The following SLC12A2 variants were observed in gnomAD, a reference collection of about 807,000 sequenced individuals.
SLC12A2 encodes solute carrier family 12 member 2.
A neutral mutation model predicts 136.3 loss-of-function variants in SLC12A2; 67 were observed. The ratio of observed to expected loss-of-function variants is 0.49; its 90% CI spans 0.40 to 0.60. SLC12A2 has a LOEUF of 0.60. Ranked by LOEUF, SLC12A2 falls within the 20% of genes least tolerant of loss-of-function variation. SLC12A2 has a pLI of 0.00. For synonymous variants in SLC12A2, 619 were observed against 562.9 expected (o/e 1.10, Z -1.41); for missense variants, 1,322 against 1,534.7 (o/e 0.86, Z 2.32).
intron 1 of SLC12A2, among the ~76,000 whole-genome samples, chr5:128,106,946 G>A (rs559595020): frequency 2.8e-4 from 43 of 151,978 alleles, no homozygotes; most frequent in African/African-American, 9.9e-4. Flanking sequence ...GTATATTATA[G>A]ACATTATATT....
intron 4 of SLC12A2, among the ~76,000 whole-genome samples, chr5:128,128,313 G>A (rs558725503): frequency 6.6e-6 from 1 of 152,146 alleles, no homozygotes; most frequent in South Asian, 2.1e-4. Context: ...CCCAAATCAA[G>A]ATGTAATAAA....
chr5:128,096,330 A>T (rs768402570), intron 1 of SLC12A2, among the ~76,000 whole-genome samples: 1 of 152,120 alleles, frequency 6.6e-6, no homozygotes, highest in Non-Finnish European at 1.5e-5. Context: ...CAGACATACA[A>T]GTACTAAGTG....
chr5:128,116,872 C>G (rs1199832310), intron 4 of SLC12A2, among the ~76,000 whole-genome samples: 1 of 151,994 alleles, frequency 6.6e-6, no homozygotes, highest in Non-Finnish European at 1.5e-5. Flanking sequence ...CTGTATCTGA[C>G]TCAGATTTGG....
chr5:128,102,596 CTTTTTTTTTT>C (rs70997362), intron 1 of SLC12A2, among the ~76,000 whole-genome samples: 18 of 40,454 alleles, frequency 4.4e-4, no homozygotes, highest in African/African-American at 1.3e-3. Context: ...CCCCCCCCGC[CTTTTTTTTTT>C]TTTTTTTTTT....
chr5:128,186,064 A>T (rs913741043), intron 26 of SLC12A2, among the ~76,000 whole-genome samples: 4 of 151,254 alleles, frequency 2.6e-5, no homozygotes, highest in African/African-American at 9.8e-5. Context: ...TCTTAAAAAA[A>T]TATATATATA....
Position 128,102,587 on chromosome 5 carries a change from C to A in SLC12A2, c.757-10227C>A, listed in dbSNP as rs1219827031. Among the ~76,000 whole-genome samples the A allele has an allele frequency of 1.5e-4, 21 of 139,420 alleles. 1 individual carries two copies. The highest frequency in any genetic ancestry group is 2.5e-4 in the Non-Finnish European group (16 of 64,758). 91.5% of individuals were successfully genotyped at this position (139,420 alleles called of 152,430 possible). A position where few individuals can be genotyped will look rare whatever the true frequency, so the allele number is the denominator to read the frequency against. ...ACTGTGTCTTTCTGTAATTCACCCC[C>A]CCCCCCGCCTTTTTTTTTTTTTTTT... On this transcript the variant is annotated intron_variant, in intron 1 of 26. Coordinates refer to ENST00000262461, the MANE Select transcript of SLC12A2 (RefSeq NM_001046.3).
At chr5:128,184,584 G>A in intron 25 of SLC12A2, 83 bp downstream of exon 25, 1 of 1,321,230 alleles carries the variant, frequency 7.6e-7, no homozygotes, top group African/African-American at 1.5e-5. Flanking sequence ...ATATAGGAGG[G>A]TCAGTTGTAT....
intron 1 of SLC12A2, among the ~76,000 whole-genome samples, chr5:128,090,425 A>G (rs1214244795): frequency 6.6e-6 from 1 of 152,142 alleles, no homozygotes; most frequent in African/African-American, 2.4e-5. Flanking sequence ...TATATGTTAC[A>G]TATATATATT....
rs139820355 is a variant in SLC12A2 at position 128,112,921 on chromosome 5, C to T, written c.864C>T (p.Ile288=). 277 of 1,611,256 alleles carry T rather than the reference C, an allele frequency of 1.7e-4. No homozygotes were observed. The highest frequency in any genetic ancestry group is 2.3e-4 in the Non-Finnish European group (271 of 1,178,708). Residue 288 remains isoleucine, a synonymous_variant, in exon 2 of 27, where the codon ATC becomes ATT. Coordinates refer to ENST00000262461, the MANE Select transcript of SLC12A2 (RefSeq NM_001046.3). ...ESKGVVKFGW[I]KGVLVRCMLN... ...AAGGAGTCGTGAAGTTTGGCTGGAT[C>T]AAGGGTGTATTAGTATGTATATATA...
intron 10 of SLC12A2, among the ~76,000 whole-genome samples, chr5:128,145,887 T>G (rs1342280237): frequency 1.3e-5 from 2 of 152,044 alleles, no homozygotes; most frequent in Non-Finnish European, 2.9e-5. Flanking sequence ...AAATGAAAGA[T>G]AAAATCTCCA....
intron 4 of SLC12A2, among the ~76,000 whole-genome samples, chr5:128,116,795 G>A (rs1216979846): frequency 2.6e-5 from 4 of 152,158 alleles, no homozygotes; most frequent in African/African-American, 9.7e-5. Flanking sequence ...ATATGTATGA[G>A]CTGCATCATC....
At chr5:128,095,596 T>C (rs1047292329) in intron 1 of SLC12A2, among the ~76,000 whole-genome samples, 3 of 152,164 alleles carry the variant, frequency 2.0e-5, no homozygotes, top group African/African-American at 7.2e-5. Context: ...CCTTACAACC[T>C]GCGGGCCACA....
At chr5:128,178,328 A>C (rs1763596592) in intron 21 of SLC12A2, 2 of 261,944 alleles carry the variant, frequency 7.6e-6, no homozygotes, top group Non-Finnish European at 1.4e-5. Flanking sequence ...AATATTAGTA[A>C]GTAGGCAGAT....
intron 17 of SLC12A2, among the ~76,000 whole-genome samples, chr5:128,164,764 T>G (rs1238598732): frequency 1.3e-5 from 2 of 152,120 alleles, no homozygotes; most frequent in Admixed American, 1.3e-4. Flanking sequence ...CCCTCATCTT[T>G]CTAGTTACTA....
intron 1 of SLC12A2, chr5:128,109,621 C>A: frequency 1.3e-6 from 1 of 767,114 alleles, no homozygotes; most frequent in Non-Finnish European, 2.4e-6. Context: ...TCCTTCCTAC[C>A]CAGTATTTCT....
In SLC12A2 at chr5:128,084,524, C is replaced by T. The variant is rs1398668396; in HGVS notation, c.570C>T (p.Gly190=). 1.9e-6 allele frequency: 3 copies of T among 1,613,462 alleles called. No homozygotes were observed. The highest frequency in any genetic ancestry group is 2.2e-5 in the East Asian group (1 of 44,882). The change falls in exon 1 of 27, where the codon GGC becomes GGT. Residue 190 remains glycine (G), a synonymous_variant. Transcript: ENST00000262461. This position sits in a 1 kb window ranked among gnomAD's most constrained non-coding sequence, Gnocchi z 5.6. ...SEGSSLHSGG[G]GGSGHHQHYY... Reference sequence around the variant, plus strand: ...GCAGCAGCCTGCACTCCGGCGGCGGCGGCGGCAGTGGGCACCACCAGCACT... The same window carrying T: ...GCAGCAGCCTGCACTCCGGCGGCGGTGGCGGCAGTGGGCACCACCAGCACT...
chr5:128,170,563 T>G (rs1307013485), intron 18 of SLC12A2: 4 of 152,222 alleles, frequency 2.6e-5, no homozygotes, highest in African/African-American at 9.7e-5. Context: ...GTTTTTAATA[T>G]GTCTACATTG....
At position 128,112,710 on chromosome 5, in the gene SLC12A2, A is replaced by G. The variant is rs1042863800; in HGVS notation, c.757-104A>G. 4 of 807,168 alleles carry G rather than the reference A, an allele frequency of 5.0e-6. No homozygotes were observed. In the African/African-American group the frequency reaches 5.2e-5, roughly 11 times the overall value. 50.0% of individuals were successfully genotyped at this position (807,168 alleles called of 1,614,324 possible). A position where few individuals can be genotyped will look rare whatever the true frequency, so the allele number is the denominator to read the frequency against. On this transcript the variant is annotated intron_variant, in intron 1 of 26. Transcript: ENST00000262461. ...CCCTTGATTCTTGGAAATCTGTACT[A>G]TGCCCTCTTAAATATGGTTAGATGT... is the stretch of plus-strand genomic sequence containing the variant.
chr5:128,091,977 A>C (rs1760340252), intron 1 of SLC12A2, among the ~76,000 whole-genome samples: 1 of 152,160 alleles, frequency 6.6e-6, no homozygotes, highest in African/African-American at 2.4e-5. Flanking sequence ...TTTAGTTTCA[A>C]ACAGAATTTG....
Sources: gnomAD v4.1 joint callset for allele counts (sites outside exome capture counted in the v4.1 genomes callset) on GRCh38, gnomAD v4.1.1 for gene constraint, Gnocchi (gnomAD v3.1) non-coding constraint, MANE v1.5 for transcripts, NCBI Gene and HGNC (gene_info 2026-07-23, HGNC 2026-07-21) for gene names.